The following NUDT3 variants were observed in gnomAD, a reference collection of about 807,000 sequenced individuals.
NUDT3 encodes the protein nudix hydrolase 3.
In NUDT3, 9 loss-of-function variants were observed where a neutral mutation model predicts 23.6. That is an observed-to-expected ratio of 0.38 (90% CI 0.23 to 0.66). The LOEUF (loss-of-function observed/expected upper bound fraction) is 0.66. Among genes scored for constraint, NUDT3 ranks in the 30% least tolerant of loss-of-function variants. The pLI is 0.52. For synonymous variants in NUDT3, 86 were observed against 82.6 expected, an observed-to-expected ratio of 1.04 and a Z score of -0.22; for missense variants, 172 against 218.5, an observed-to-expected ratio of 0.79 and a Z score of 1.34.
chr6:34,298,356 T>C (rs1343245383), intron 2 of NUDT3, among the ~76,000 whole-genome samples: 1 of 152,106 alleles, frequency 6.6e-6, no homozygotes, highest in Admixed American at 6.6e-5. Context: ...AGACATCTTG[T>C]CTCAAAAAAA....
intron 1 of NUDT3, among the ~76,000 whole-genome samples, chr6:34,377,734 G>A (rs1288529478): frequency 1.3e-5 from 2 of 151,630 alleles, no homozygotes; most frequent in Non-Finnish European, 2.9e-5. Flanking sequence ...TTGGGAGGCT[G>A]AGGCATGAGA....
At chr6:34,288,968 T>C in intron 4 of NUDT3, 37 bp from the exon 5 acceptor site, 2 of 1,544,300 alleles carry the variant, frequency 1.3e-6, no homozygotes, top group Non-Finnish European at 1.7e-6. Context: ...AGTACAAGAG[T>C]AATAAGGTTT....
At chr6:34,356,780 T>C (rs192561956) in intron 1 of NUDT3, among the ~76,000 whole-genome samples, 1 of 150,266 alleles carries the variant, frequency 6.7e-6, no homozygotes, top group Non-Finnish European at 1.5e-5. Context: ...ATTGTGGGGG[T>C]TTTTTTTGTT....
intron 2 of NUDT3, among the ~76,000 whole-genome samples, chr6:34,297,749 ATATATATATAATTTTTTT>A (rs1763531834): frequency 9.7e-6 from 1 of 103,354 alleles, no homozygotes; most frequent in African/African-American, 4.3e-5. Flanking sequence ...ATATATATAT[ATATATATATAATTTTTTT>A]TTTTTTTTTA....
intron 1 of NUDT3, among the ~76,000 whole-genome samples, chr6:34,349,906 C>T (rs1035290266): frequency 2.7e-5 from 4 of 150,146 alleles, no homozygotes; most frequent in East Asian, 1.9e-4. Context: ...CTGGTTAAAA[C>T]GGTGAAACCC....
chr6:34,289,048 C>CA, intron 4 of NUDT3, 117 bp from the exon 5 acceptor site: 6 of 1,287,072 alleles, frequency 4.7e-6, no homozygotes, highest in Non-Finnish European at 6.2e-6. Context: ...TTTTTCCTTA[C>CA]AAAAATAACT....
intron 1 of NUDT3, among the ~76,000 whole-genome samples, chr6:34,347,062 C>T (rs1189529467): frequency 1.3e-5 from 2 of 152,150 alleles, no homozygotes; most frequent in Admixed American, 6.5e-5. Context: ...AGCCACTGTG[C>T]CCACCCACAA....
chr6:34,292,361 C>T (rs962717073), intron 4 of NUDT3, among the ~76,000 whole-genome samples: 1 of 152,152 alleles, frequency 6.6e-6, no homozygotes, highest in Non-Finnish European at 1.5e-5. Flanking sequence ...ATCTGTCTGC[C>T]AATTTGTAAT....
chr6:34,364,942 A>C (rs1051895772), intron 1 of NUDT3, among the ~76,000 whole-genome samples: 6 of 152,124 alleles, frequency 3.9e-5, no homozygotes, highest in Admixed American at 2.6e-4. Flanking sequence ...AATGGCGTGA[A>C]CCCAGGAGGT....
At chr6:34,315,971 C>T (rs905323623) in intron 2 of NUDT3, among the ~76,000 whole-genome samples, 1 of 152,186 alleles carries the variant, frequency 6.6e-6, no homozygotes, top group Non-Finnish European at 1.5e-5. Flanking sequence ...TTAAAAACAA[C>T]CTCTTCCCCT....
rs547161419 is a variant in NUDT3, at chr6:34,303,281, C to T, written c.211-7596G>A. ...CAGGCTAGTCAGAACCAGAAATATT[C>T]AGCTGGTTTTCTTAGATATCAATCT... On this transcript the variant is annotated intron_variant, in intron 2 of 4. Coordinates refer to ENST00000607016, the MANE Select transcript of NUDT3 (RefSeq NM_006703.4). Among the ~76,000 whole-genome samples the T allele has an allele frequency of 3.7e-3, 482 of 129,374 alleles. 3 individuals are homozygous for T. In the Middle Eastern group the frequency reaches 0.051, roughly 14 times the overall value. 84.9% of individuals were successfully genotyped at this position (129,374 alleles called of 152,430 possible).
chr6:34,329,707 T>C (rs1764097619), intron 2 of NUDT3, among the ~76,000 whole-genome samples: 1 of 152,164 alleles, frequency 6.6e-6, no homozygotes, highest in African/African-American at 2.4e-5. Context: ...AACTTGCAGG[T>C]TTGTTACATA....
intron 2 of NUDT3, among the ~76,000 whole-genome samples, chr6:34,306,969 C>T (rs1763690449): frequency 6.6e-6 from 1 of 152,130 alleles, no homozygotes; most frequent in Non-Finnish European, 1.5e-5. Flanking sequence ...ATAAATTATA[C>T]ACAGAAATGA....
chr6:34,287,594 G>A lies in NUDT3; in HGVS notation c.*1159C>T, dbSNP rs967526973. The stretch of plus-strand genomic sequence containing the variant: ...TGCCAATACAAAGACAAGCAAGCAG[G>A]TGAATTTCCCTAGTGTACTTTTCAG... On this transcript the variant is annotated 3_prime_UTR_variant, in exon 5 of 5. Coordinates refer to ENST00000607016, the MANE Select transcript of NUDT3 (RefSeq NM_006703.4). 6.6e-6 allele frequency: 1 copy of A among 152,324 alleles called. No homozygotes were observed. The highest frequency in any genetic ancestry group is 2.4e-5 in the African/African-American group (1 of 41,560). 9.4% of individuals were successfully genotyped at this position (152,324 alleles called of 1,614,324 possible).
At chr6:34,341,839 T>C (rs1450983965) in intron 2 of NUDT3, 23 bp downstream of exon 2, 1 of 1,607,210 alleles carries the variant, frequency 6.2e-7, no homozygotes, top group Non-Finnish European at 8.5e-7. Context: ...GGCACAGCTG[T>C]GCCCTCTCTT....
intron 1 of NUDT3, among the ~76,000 whole-genome samples, chr6:34,390,907 A>T (rs868410230): frequency 6.6e-6 from 1 of 152,228 alleles, no homozygotes; most frequent in African/African-American, 2.4e-5. Context: ...TATGCATTCC[A>T]AAACAGTATA....
At position 34,288,570 on chromosome 6, in the gene NUDT3, A is replaced by T; in HGVS notation, c.*183T>A. ...CCCAACCCCCACCCTCAATAAAAACAGAAGAAAAAGCCCCATCACTTAACA... is the reference window on the plus strand; with the variant it reads ...CCCAACCCCCACCCTCAATAAAAACTGAAGAAAAAGCCCCATCACTTAACA... On this transcript the variant is annotated 3_prime_UTR_variant, in exon 5 of 5. Transcript: ENST00000607016. The T allele has an allele frequency of 1.3e-6, 1 of 790,958 alleles. No homozygotes were observed. The highest frequency in any genetic ancestry group is 1.9e-6 in the Non-Finnish European group (1 of 529,962). 49.0% of individuals were successfully genotyped at this position (790,958 alleles called of 1,614,324 possible).
intron 2 of NUDT3, among the ~76,000 whole-genome samples, chr6:34,314,220 T>C (rs1188326066): frequency 2.6e-5 from 4 of 151,818 alleles, no homozygotes; most frequent in African/African-American, 9.7e-5. Flanking sequence ...GCCAGGAGTT[T>C]GAGACCAACC....
Position 34,392,355 on chromosome 6 carries a change from T to G in NUDT3, c.8A>C (p.Lys3Thr), listed in dbSNP as rs1765219783. 1.2e-6 allele frequency: 2 copies of G among 1,602,124 alleles called. No homozygotes were observed. Among genetic ancestry groups the G allele is most frequent in the East Asian group, 2.3e-5 (1 of 43,520 alleles). Reference sequence around the variant, plus strand: ...GGTGCGGGTCTGGTTCGACTTGAGCTTCATCATCCTCCGGGCCCGGGTGGG... The same window carrying G: ...GGTGCGGGTCTGGTTCGACTTGAGCGTCATCATCCTCCGGGCCCGGGTGGG... MM[K>T]LKSNQTRTYD... The change falls in exon 1 of 5, where the codon AAG becomes ACG. Residue 3 changes from lysine (K) to threonine (T), a missense_variant. By Grantham distance (78) the Lys-to-Thr change is moderately conservative (BLOSUM62 -1). Transcript: ENST00000607016.
Sources: allele counts gnomAD v4.1 joint callset (sites outside exome capture counted in the v4.1 genomes callset), GRCh38; gene constraint gnomAD v4.1.1; transcripts MANE v1.5; gene names NCBI Gene and HGNC (gene_info 2026-07-23, HGNC 2026-07-21).